CCNE2: variants seen among roughly 807,000 people sequenced by gnomAD.
CCNE2 encodes cyclin E2.
Under a neutral mutation model 56.8 loss-of-function variants are expected in CCNE2, and 18 were observed. That is an observed-to-expected ratio of 0.32 (90% CI 0.22 to 0.47). CCNE2 has a LOEUF of 0.47. Among genes scored for constraint, CCNE2 ranks in the 20% least tolerant of loss-of-function variants. The pLI is 1.00. For synonymous variants in CCNE2, 139 were observed against 149.2 expected (o/e 0.93, Z 0.50); for missense variants, 371 against 467.1 (o/e 0.79, Z 1.90).
At position 94,892,878 on chromosome 8, in the gene CCNE2, C is replaced by G. The variant is rs763646382; in HGVS notation, c.257G>C (p.Arg86Thr). 6.6e-6 allele frequency: 10 copies of G among 1,515,492 alleles called. No individual in the cohort carries two copies. Among genetic ancestry groups the G allele is most frequent in the Non-Finnish European group, 8.9e-6 (10 of 1,125,858 alleles). 93.9% of individuals were successfully genotyped at this position (1,515,492 alleles called of 1,614,324 possible). ...ATTTTTAAATCTGTAATTTGTAAAT[C>G]TGGAGAAATCACTTGTTCCTATTTC... is the stretch of plus-strand genomic sequence containing the variant. ...HKEIGTSDFS[R>T]FTNYRFKNLF... Residue 86 changes from arginine (R) to threonine (T), a missense_variant, in exon 5 of 12, where the codon AGA becomes ACA. Transcript: ENST00000308108.
intron 6 of CCNE2, among the ~76,000 whole-genome samples, chr8:94,890,040 C>T (rs1563683034): frequency 6.6e-6 from 1 of 152,158 alleles, no homozygotes; most frequent in South Asian, 2.1e-4. Context: ...TTTGTTAATA[C>T]AGAAAAAGAC....
chr8:94,887,945 G>C lies in CCNE2; in HGVS notation c.582C>G (p.Phe194Leu). The change falls in exon 7 of 12, where the codon TTC becomes TTG. Residue 194 changes from phenylalanine to leucine, a missense_variant. By Grantham distance (22) the Phe-to-Leu change is conservative. Coordinates refer to ENST00000308108, the MANE Select transcript of CCNE2 (RefSeq NM_057749.3). ...MLQLIGITSL[F>L]IASKLEEIYA... ...AACTTACCTCAAGTTTGGAAGCAAT[G>C]AATAATGAGGTAATTCCAATGAGTT... is the stretch of plus-strand genomic sequence containing the variant. 5 of 1,580,560 alleles carry C rather than the reference G, an allele frequency of 3.2e-6. No homozygotes were observed. The highest frequency in any genetic ancestry group is 3.4e-6 in the Non-Finnish European group (4 of 1,167,816).
intron 7 of CCNE2, among the ~76,000 whole-genome samples, chr8:94,887,096 T>A (rs762276037): frequency 1.1e-4 from 17 of 152,218 alleles, no homozygotes; most frequent in Non-Finnish European, 2.5e-4. Context: ...TATAAAAGTC[T>A]TAGATGAAAG....
rs1386977424 is a variant in CCNE2, at chr8:94,893,932, T to C, written c.124A>G (p.Arg42Gly). 2 of 1,613,666 alleles carry C rather than the reference T, an allele frequency of 1.2e-6. No individual in the cohort carries two copies. The highest frequency in any genetic ancestry group is 3.3e-5 in the Admixed American group (2 of 60,024). Residue 42 changes from arginine to glycine, a missense_variant, in exon 4 of 12, where the codon AGA (arginine) becomes GGA (glycine). Arg to Gly is a moderately radical substitution (Grantham distance 125). Coordinates refer to ENST00000308108, the MANE Select transcript of CCNE2 (RefSeq NM_057749.3). ...TGTTTCTTGGTGACCTCCTCTCTTC[T>C]TTTTTTGACATCCTGGAAAATAGAA... is the stretch of plus-strand genomic sequence containing the variant. ...KRKTTQDVKK[R>G]REEVTKKHQY...
chr8:94,884,016 G>A (rs960501195), intron 9 of CCNE2: 3 of 410,000 alleles, frequency 7.3e-6, no homozygotes, highest in African/African-American at 6.1e-5. Flanking sequence ...TATCAGAAGG[G>A]TATAGCTGCC....
intron 6 of CCNE2, 114 bp downstream of exon 6, chr8:94,890,301 G>T: frequency 1.1e-6 from 1 of 893,978 alleles, no homozygotes; most frequent in Non-Finnish European, 1.6e-6. Flanking sequence ...CCTCAAAAAA[G>T]ACAGCTTCCT....
At position 94,890,568 on chromosome 8, in the gene CCNE2, A is replaced by G. The variant is rs762841712; in HGVS notation, c.318-18T>C. Reference sequence around the variant, plus strand: ...ATCCCCAGCTATGGAAAGAGAGGAAAAAAACCATATATATATATATATATT... The same window carrying G: ...ATCCCCAGCTATGGAAAGAGAGGAAGAAAACCATATATATATATATATATT... On this transcript the variant is annotated intron_variant, in intron 5 of 11. Transcript: ENST00000308108. 1 of 1,228,126 alleles carries G rather than the reference A, an allele frequency of 8.1e-7. No individual in the cohort carries two copies. The highest frequency in any genetic ancestry group is 1.1e-6 in the Non-Finnish European group (1 of 894,490). 76.1% of individuals were successfully genotyped at this position (1,228,126 alleles called of 1,614,324 possible). A position where few individuals can be genotyped will look rare whatever the true frequency, so the allele number is the denominator to read the frequency against.
Position 94,885,538 on chromosome 8 carries a change from G to C in CCNE2, c.621C>G (p.Leu207=). The part of the protein sequence containing the change: ...SKLEEIYAPK[L]QEFAYVTDGA... ...CATCAGTGACGTAAGCAAACTCTTGGAGTTTAGGAGCATAGATTTCCTTTA... is the reference window on the plus strand; with the variant it reads ...CATCAGTGACGTAAGCAAACTCTTGCAGTTTAGGAGCATAGATTTCCTTTA... The change falls in exon 8 of 12, where the codon CTC becomes CTG. Residue 207 remains leucine (L), a synonymous_variant. Transcript: ENST00000308108. 1 of 1,601,018 alleles carries C rather than the reference G, an allele frequency of 6.2e-7. No individual in the cohort carries two copies. The highest frequency in any genetic ancestry group is 2.2e-5 in the East Asian group (1 of 44,724).
rs1230052730 is a variant in CCNE2 at position 94,881,482 on chromosome 8, T to TGTAA, written c.*146_*149dup. On this transcript the variant is annotated 3_prime_UTR_variant, in exon 12 of 12. Coordinates refer to ENST00000308108, the MANE Select transcript of CCNE2 (RefSeq NM_057749.3). ...ATTAAATGTATTCTTTAGTGCCAAT[T>TGTAA]GTAAGTTTTAAAATCAGAATGGCAG... is the stretch of plus-strand genomic sequence containing the variant. 40 of 681,540 alleles carry TGTAA rather than the reference T, an allele frequency of 5.9e-5. No individual in the cohort carries two copies. The highest frequency in any genetic ancestry group is 8.1e-5 in the East Asian group (3 of 37,266). 42.2% of individuals were successfully genotyped at this position (681,540 alleles called of 1,614,324 possible). A position where few individuals can be genotyped will look rare whatever the true frequency, so the allele number is the denominator to read the frequency against.
chr8:94,882,914 C>T, intron 9 of CCNE2, 22 bp from the exon 10 acceptor site: 3 of 1,478,826 alleles, frequency 2.0e-6, no homozygotes, highest in Non-Finnish European at 2.8e-6. Flanking sequence ...AACAAAAGTA[C>T]AAGCAATTTA....
intron 7 of CCNE2, among the ~76,000 whole-genome samples, chr8:94,886,200 A>G (rs537462608): frequency 6.9e-4 from 105 of 152,340 alleles, no homozygotes; most frequent in Non-Finnish European, 8.8e-5. Flanking sequence ...GGACAGCTTC[A>G]CTAACTATAA....
At chr8:94,882,349 A>G in intron 10 of CCNE2, 60 bp from the exon 11 acceptor site, 6 of 1,319,784 alleles carry the variant, frequency 4.5e-6, no homozygotes, top group Non-Finnish European at 3.1e-6. Flanking sequence ...ACTATCTTAC[A>G]TATGTCTGAT....
At chr8:94,889,138 GGCT>G (rs564753286) in intron 6 of CCNE2, among the ~76,000 whole-genome samples, 1,720 of 151,356 alleles carry the variant, frequency 0.011, 32 homozygotes, top group African/African-American at 0.04. Flanking sequence ...ACAACAGCGA[GGCT>G]CCGTCTCAAA....
intron 4 of CCNE2, chr8:94,893,609 G>A (rs1172726383): frequency 1.5e-5 from 6 of 404,450 alleles, no homozygotes; most frequent in South Asian, 4.4e-5. Context: ...ACAAAGAGCA[G>A]TATATTGGAC....
chr8:94,892,283 G>C (rs1381359976), intron 5 of CCNE2, among the ~76,000 whole-genome samples: 1 of 152,202 alleles, frequency 6.6e-6, no homozygotes, highest in Non-Finnish European at 1.5e-5. Flanking sequence ...ACAGAATGCA[G>C]GGAAAGGGGG....
Position 94,885,127 on chromosome 8 carries a change from T to C in CCNE2, c.771A>G (p.Lys257=). The C allele has an allele frequency of 2.5e-6, 4 of 1,613,364 alleles. No homozygotes were observed. Among genetic ancestry groups the C allele is most frequent in the Non-Finnish European group, 3.4e-6 (4 of 1,179,420 alleles). ...LNLFLQVDAL[K]DAPKVLLPQY... Reference sequence around the variant, plus strand: ...GAGGTAGAAGAACTTTAGGAGCATCTTTAAGAGCATCAACTTGGAGAAAGA... The same window carrying C: ...GAGGTAGAAGAACTTTAGGAGCATCCTTAAGAGCATCAACTTGGAGAAAGA... Residue 257 remains lysine (K), a synonymous_variant, in exon 9 of 12, where the codon AAA becomes AAG. Coordinates refer to ENST00000308108, the MANE Select transcript of CCNE2 (RefSeq NM_057749.3).
At chr8:94,888,522 AATAGAG>A (rs1817113739) in intron 6 of CCNE2, among the ~76,000 whole-genome samples, 1 of 152,144 alleles carries the variant, frequency 6.6e-6, no homozygotes, top group Non-Finnish European at 1.5e-5. Context: ...GAGGTGAGGA[AATAGAG>A]ATATATACCA....
intron 6 of CCNE2, among the ~76,000 whole-genome samples, chr8:94,888,600 C>T (rs1288765981): frequency 6.6e-6 from 1 of 151,736 alleles, no homozygotes; most frequent in Non-Finnish European, 1.5e-5. Flanking sequence ...CAGTGGCTCA[C>T]TGCAACCTCT....
At chr8:94,894,846 G>T (rs1817412443) in intron 1 of CCNE2, among the ~76,000 whole-genome samples, 1 of 152,198 alleles carries the variant, frequency 6.6e-6, no homozygotes, top group Non-Finnish European at 1.5e-5. Context: ...GGCAGGAAAA[G>T]GAGCTAAAGA....
Sources: allele counts gnomAD v4.1 joint callset (sites outside exome capture counted in the v4.1 genomes callset), GRCh38; gene constraint gnomAD v4.1.1; transcripts MANE v1.5; gene names NCBI Gene and HGNC (gene_info 2026-07-23, HGNC 2026-07-21).